The following APELA variants were observed in gnomAD, a reference collection of about 807,000 sequenced individuals.
APELA encodes the protein protein Elabela.
At chr4:164,892,325 GA>G (rs920436374) in intron 2 of APELA, among the ~76,000 whole-genome samples, 2 of 151,624 alleles carry the variant, frequency 1.3e-5, no homozygotes, top group African/African-American at 2.4e-5. Flanking sequence ...TGTCTCAAAA[GA>G]AAAAAACATA....
intron 2 of APELA, 113 bp downstream of exon 2, chr4:164,879,122 A>G: frequency 2.5e-6 from 1 of 396,664 alleles, no homozygotes; most frequent in Non-Finnish European, 4.4e-6. Context: ...TGGCAATGTC[A>G]AGACTTAAGA....
At chr4:164,893,360 T>A (rs1730916098) in intron 2 of APELA, among the ~76,000 whole-genome samples, 1 of 152,106 alleles carries the variant, frequency 6.6e-6, no homozygotes, top group African/African-American at 2.4e-5. Flanking sequence ...TGTTTAGGAG[T>A]GTGTTGTTAA....
At chr4:164,879,594 G>A (rs548063573) in intron 2 of APELA, among the ~76,000 whole-genome samples, 22 of 152,160 alleles carry the variant, frequency 1.4e-4, no homozygotes, top group South Asian at 8.3e-4. Flanking sequence ...ACAGGCATGC[G>A]CCACCACTCC....
chr4:164,878,992 G>A lies in APELA; in HGVS notation c.149G>A (p.Arg50Gln), dbSNP rs748988497. ...AGGAGATGTATGCCTCTCCATTCAC[G>A]AGTACCCTTTCCCTGAGGTATTTCT... ...LQRRCMPLHSRVPFP is the reference protein window; with the variant it reads ...LQRRCMPLHSQVPFP Residue 50 changes from arginine (R) to glutamine (Q), a missense_variant, in exon 2 of 3, where the codon CGA becomes CAA. Coordinates refer to ENST00000507152, the MANE Select transcript of APELA (RefSeq NM_001297550.2). The A allele has an allele frequency of 1.0e-5, 4 of 398,782 alleles. No homozygotes were observed. Among genetic ancestry groups the A allele is most frequent in the African/African-American group, 2.1e-5 (1 of 48,596 alleles). The allele number at this position is 398,782 out of a possible 1,614,324, so 24.7% of individuals were successfully genotyped here.
downstream of APELA, chr4:164,898,641 T>C (rs184324524): frequency 1.6e-4 from 24 of 152,072 alleles, no homozygotes; most frequent in East Asian, 4.6e-3. Flanking sequence ...CAGGGTTGAG[T>C]CAGTGAATAG....
chr4:164,884,998 A>G (rs1247940565), intron 2 of APELA, among the ~76,000 whole-genome samples: 1 of 152,152 alleles, frequency 6.6e-6, no homozygotes, highest in Non-Finnish European at 1.5e-5. Flanking sequence ...CTGGCATTAG[A>G]AAGTGTTAAC....
intron 2 of APELA, among the ~76,000 whole-genome samples, chr4:164,895,120 AC>A (rs1326141341): frequency 5.9e-5 from 9 of 152,038 alleles, no homozygotes; most frequent in African/African-American, 2.2e-4. Flanking sequence ...AATCACTTGA[AC>A]TCAGAGGCAG....
rs1560858173 is a variant in APELA at position 164,884,165 on chromosome 4, G to GAAAGAA, written c.*1+5157_*1+5158insAAGAAA. On this transcript the variant is annotated intron_variant, in intron 2 of 2. Coordinates refer to ENST00000507152, the MANE Select transcript of APELA (RefSeq NM_001297550.2). ...AAAGAAAGAAAGAAAGAAAGGAGAA[G>GAAAGAA]AGAAAGAAAGGAGAGAAGAAAGAAA... Among the ~76,000 whole-genome samples, 180 of 123,078 alleles carry GAAAGAA rather than the reference G, an allele frequency of 1.5e-3. 1 individual carries two copies. The highest frequency in any genetic ancestry group is 5.8e-3 in the African/African-American group (172 of 29,828). 80.7% of individuals were successfully genotyped at this position (123,078 alleles called of 152,430 possible). A position where few individuals can be genotyped will look rare whatever the true frequency, so the allele number is the denominator to read the frequency against.
chr4:164,893,767 C>A (rs1730922641), intron 2 of APELA, among the ~76,000 whole-genome samples: 1 of 151,334 alleles, frequency 6.6e-6, no homozygotes, highest in Non-Finnish European at 1.5e-5. Flanking sequence ...GTTTTTTTAC[C>A]CCGTCTGACA....
In APELA at chr4:164,895,593, C is replaced by T. The variant is rs1047713486; in HGVS notation, c.*179C>T. 6.6e-6 allele frequency: 1 copy of T among 152,190 alleles called. No individual in the cohort carries two copies. Among genetic ancestry groups the T allele is most frequent in the African/African-American group, 2.4e-5 (1 of 41,452 alleles). The allele number at this position is 152,190 out of a possible 1,614,324, so 9.4% of individuals were successfully genotyped here. A position where few individuals can be genotyped will look rare whatever the true frequency, so the allele number is the denominator to read the frequency against. The stretch of plus-strand genomic sequence containing the variant: ...TTTATTAGCTTCACAGGATTTTATT[C>T]TTCTTGGCTTCTATTTGGAGGGAAA... On this transcript the variant is annotated 3_prime_UTR_variant, in exon 3 of 3. Coordinates refer to ENST00000507152, the MANE Select transcript of APELA (RefSeq NM_001297550.2).
chr4:164,887,831 C>T (rs544736218), intron 2 of APELA, among the ~76,000 whole-genome samples: 30 of 152,234 alleles, frequency 2.0e-4, no homozygotes, highest in Non-Finnish European at 3.8e-4. Flanking sequence ...AGGCTGGTCT[C>T]GAACTCCTGA....
intron 2 of APELA, among the ~76,000 whole-genome samples, chr4:164,883,898 CACTGATCT>C (rs1216591648): frequency 9.8e-5 from 13 of 132,950 alleles, no homozygotes; most frequent in Middle Eastern, 7.8e-3. Flanking sequence ...AATATGTCAA[CACTGATCT>C]ATTTTGTCTT....
chr4:164,893,194 G>A (rs1356457892), intron 2 of APELA, among the ~76,000 whole-genome samples: 2 of 152,010 alleles, frequency 1.3e-5, no homozygotes, highest in East Asian at 1.9e-4. Context: ...GAAATGTTAG[G>A]TATTCAATTG....
chr4:164,886,214 T>C (rs901129046), intron 2 of APELA, among the ~76,000 whole-genome samples: 1 of 152,190 alleles, frequency 6.6e-6, no homozygotes, highest in Non-Finnish European at 1.5e-5. Context: ...GGCTGAAATA[T>C]CTGCAGGACA....
At chr4:164,889,362 A>AT (rs905433138) in intron 2 of APELA, among the ~76,000 whole-genome samples, 2 of 152,190 alleles carry the variant, frequency 1.3e-5, no homozygotes, top group Non-Finnish European at 2.9e-5. Context: ...ATATATACAC[A>AT]TTATTTAAAC....
At position 164,883,489 on chromosome 4, in the gene APELA, TC is replaced by T. The variant is rs202023300; in HGVS notation, c.*1+4481del. Among the ~76,000 whole-genome samples, 283 of 144,648 alleles carry T rather than the reference TC, an allele frequency of 2.0e-3. 17 individuals are homozygous for T. Among genetic ancestry groups the T allele is most frequent in the Middle Eastern group, 7.0e-3 (2 of 284 alleles). The allele number at this position is 144,648 out of a possible 152,430, so 94.9% of individuals were successfully genotyped here. On this transcript the variant is annotated intron_variant, in intron 2 of 2. Transcript: ENST00000507152. ...ATGTTCCCTTTCTAGTCTTTCTTTT[TC>T]TTTTTTTTTTTTTTTGAGACAGGAT...
At chr4:164,894,351 TCA>T in intron 2 of APELA, among the ~76,000 whole-genome samples, 1 of 152,250 alleles carries the variant, frequency 6.6e-6, no homozygotes, top group Admixed American at 6.5e-5. Context: ...AAAATCCATC[TCA>T]TTTTCATCTA....
At chr4:164,886,580 A>C (rs1338747068) in intron 2 of APELA, among the ~76,000 whole-genome samples, 1 of 152,234 alleles carries the variant, frequency 6.6e-6, no homozygotes, top group South Asian at 2.1e-4. Flanking sequence ...CGAGGGGTTG[A>C]GGCTATAGTG....
intron 2 of APELA, among the ~76,000 whole-genome samples, chr4:164,891,740 T>C (rs6536873): frequency 0.078 from 11,836 of 152,142 alleles, 1,393 homozygotes; most frequent in African/African-American, 0.26. Context: ...CACCTGCAAA[T>C]TGAGATAGTT....
Sources: allele counts gnomAD v4.1 joint callset (sites outside exome capture counted in the v4.1 genomes callset), GRCh38; gene constraint gnomAD v4.1.1; transcripts MANE v1.5; gene names NCBI Gene and HGNC (gene_info 2026-07-23, HGNC 2026-07-21).